Variants in MLXIP observed in about 807,000 individuals in gnomAD.
The protein encoded by MLXIP is MLX interacting protein, also known as MLX-interacting protein.
In MLXIP, 30 loss-of-function variants were observed where a neutral mutation model predicts 87.2. The observed-to-expected ratio is 0.34, with a 90% CI of 0.26 to 0.47. MLXIP has a LOEUF of 0.47. Ranked by LOEUF, MLXIP falls within the 20% of genes least tolerant of loss-of-function variation. The probability of loss-of-function intolerance (pLI) is 1.00; values close to 1 mark genes in which losing one functional copy is unlikely to be tolerated. For synonymous variants in MLXIP, 530 were observed against 514.0 expected (o/e 1.03, Z -0.42); for missense variants, 1,002 against 1,240.1 (o/e 0.81, Z 2.88).
At chr12:122,086,524 T>C (rs188007200) in intron 1 of MLXIP, among the ~76,000 whole-genome samples, 4 of 152,212 alleles carry the variant, frequency 2.6e-5, no homozygotes, top group Admixed American at 2.0e-4. Context: ...TGATGGCTGA[T>C]GAGAGCCTGA....
At chr12:122,087,723 G>A (rs981061599) in intron 1 of MLXIP, among the ~76,000 whole-genome samples, 3 of 152,150 alleles carry the variant, frequency 2.0e-5, no homozygotes, top group African/African-American at 7.2e-5. Context: ...TCCACAGGGC[G>A]GCTGGGGCCA....
rs188505792 is a variant in MLXIP at position 122,111,798 on chromosome 12, A to G, written c.414-15458A>G. On this transcript the variant is annotated intron_variant, in intron 1 of 16. Coordinates refer to ENST00000319080, the MANE Select transcript of MLXIP (RefSeq NM_014938.6). ...TTCATGAAGCAAATTATAGCAAACCAGATAGCTTTGGATTTCTCTTTTTAA... is the reference window on the plus strand; with the variant it reads ...TTCATGAAGCAAATTATAGCAAACCGGATAGCTTTGGATTTCTCTTTTTAA... 3.3e-5 allele frequency among the ~76,000 whole-genome samples: 5 copies of G among 152,370 alleles called. No homozygotes were observed. The East Asian group carries it at 9.6e-4, about 29-fold the overall frequency.
chr12:122,139,282 G>A (rs932169151), intron 15 of MLXIP, among the ~76,000 whole-genome samples: 4 of 152,278 alleles, frequency 2.6e-5, no homozygotes, highest in African/African-American at 4.8e-5. Flanking sequence ...CAGCCAGCTC[G>A]GTCCTCGAAG....
intron 1 of MLXIP, among the ~76,000 whole-genome samples, chr12:122,111,391 G>A (rs1952604520): frequency 6.6e-6 from 1 of 152,172 alleles, no homozygotes; most frequent in Admixed American, 6.6e-5. Context: ...CTTTAAGCCA[G>A]GTGTCTGCAA....
intron 1 of MLXIP, among the ~76,000 whole-genome samples, chr12:122,098,453 T>C (rs761066323): frequency 2.6e-5 from 4 of 152,192 alleles, no homozygotes. Context: ...TGTTCTTTGT[T>C]GGCTGGGATC....
chr12:122,135,119 TG>T lies in MLXIP; in HGVS notation c.1733-101del. The T allele has an allele frequency of 7.0e-7, 1 of 1,433,074 alleles. No individual in the cohort carries two copies. Among genetic ancestry groups the T allele is most frequent in the Non-Finnish European group, 9.6e-7 (1 of 1,041,148 alleles). The allele number at this position is 1,433,074 out of a possible 1,614,324, so 88.8% of individuals were successfully genotyped here. ...TTGGTGGCTTTGTCTTCCTGTCCCCTGGGGTTGAGAACAAGCTGTCTCACTG... is the reference window on the plus strand; with the variant it reads ...TTGGTGGCTTTGTCTTCCTGTCCCCTGGGTTGAGAACAAGCTGTCTCACTG... On this transcript the variant is annotated intron_variant, in intron 9 of 16. Coordinates refer to ENST00000319080, the MANE Select transcript of MLXIP (RefSeq NM_014938.6). This position sits in a 1 kb window ranked among gnomAD's most constrained non-coding sequence, Gnocchi z 5.3.
chr12:122,084,874 A>C lies in MLXIP; in HGVS notation c.413+5608A>C, dbSNP rs977456824. Among the ~76,000 whole-genome samples, 4 of 152,184 alleles carry C rather than the reference A, an allele frequency of 2.6e-5. No homozygotes were observed. In the East Asian group the frequency reaches 7.7e-4, roughly 29 times the overall value. ...CTTAACGTGATCTTAAGCAACTCAC[A>C]CAACAACCCTGTCAGGTAGGTGGTG... On this transcript the variant is annotated intron_variant, in intron 1 of 16. Transcript: ENST00000319080.
intron 1 of MLXIP, among the ~76,000 whole-genome samples, chr12:122,105,819 C>G (rs1375400870): frequency 1.3e-5 from 2 of 151,964 alleles, no homozygotes; most frequent in Non-Finnish European, 2.9e-5. Context: ...CCCTTTCCCC[C>G]CCTTCTTTTC....
intron 1 of MLXIP, among the ~76,000 whole-genome samples, chr12:122,111,606 A>G (rs1952607192): frequency 6.6e-6 from 1 of 152,220 alleles, no homozygotes; most frequent in African/African-American, 2.4e-5. Flanking sequence ...GGCAGCTGCC[A>G]TATCAGCTAG....
intron 1 of MLXIP, among the ~76,000 whole-genome samples, chr12:122,094,497 T>C (rs1952314272): frequency 1.1e-5 from 1 of 93,908 alleles, no homozygotes. Flanking sequence ...GTTTGCAATG[T>C]CTGTGTGTGT....
intron 1 of MLXIP, among the ~76,000 whole-genome samples, chr12:122,103,412 A>G (rs1409109254): frequency 6.6e-6 from 1 of 151,642 alleles, no homozygotes; most frequent in Non-Finnish European, 1.5e-5. Context: ...TTTAGTAGAC[A>G]CGGGATTTAC....
chr12:122,128,850 T>C, intron 3 of MLXIP: 1 of 357,696 alleles, frequency 2.8e-6, no homozygotes, highest in Non-Finnish European at 5.1e-6. Flanking sequence ...CTTCTTCCTC[T>C]GTGGAGCATT....
At chr12:122,128,282 C>T (rs1308647533) in intron 3 of MLXIP, 1 of 233,964 alleles carries the variant, frequency 4.3e-6, no homozygotes, top group Non-Finnish European at 8.4e-6. Flanking sequence ...ATAGAAGTGT[C>T]TTTATTAAGA....
At chr12:122,114,020 T>C (rs1482435737) in intron 1 of MLXIP, among the ~76,000 whole-genome samples, 2 of 131,528 alleles carry the variant, frequency 1.5e-5, no homozygotes, top group Non-Finnish European at 3.2e-5. Flanking sequence ...CATTTCACTC[T>C]TGTTGCCCAG....
At chr12:122,098,436 AGTTCTTT>A (rs772594439) in intron 1 of MLXIP, among the ~76,000 whole-genome samples, 33 of 152,228 alleles carry the variant, frequency 2.2e-4, no homozygotes, top group Non-Finnish European at 3.7e-4. Context: ...GCGCTCTTTC[AGTTCTTT>A]GTTCTTTGTT....
Position 122,141,984 on chromosome 12 carries a change from C to G in MLXIP, c.*172C>G. 1.0e-6 allele frequency: 1 copy of G among 998,126 alleles called. No individual in the cohort carries two copies. The highest frequency in any genetic ancestry group is 1.5e-6 in the Non-Finnish European group (1 of 688,272). 61.8% of individuals were successfully genotyped at this position (998,126 alleles called of 1,614,324 possible). On this transcript the variant is annotated 3_prime_UTR_variant, in exon 17 of 17. Coordinates refer to ENST00000319080, the MANE Select transcript of MLXIP (RefSeq NM_014938.6). ...GCTCAGGTCTGAAGCAGGTTTGGGG[C>G]CTGCTGACAGCAATAGCCCGCCTTT...
intron 1 of MLXIP, among the ~76,000 whole-genome samples, chr12:122,118,165 A>G (rs1170078077): frequency 2.0e-5 from 3 of 152,190 alleles, no homozygotes; most frequent in Non-Finnish European, 4.4e-5. Flanking sequence ...TACAGTGTGG[A>G]TCTGCTGGAC....
Position 122,135,339 on chromosome 12 carries a change from C to A in MLXIP, c.1848C>A (p.Ile616=). Residue 616 remains isoleucine (I), a synonymous_variant, in exon 10 of 17, where the codon ATC becomes ATA. Coordinates refer to ENST00000319080, the MANE Select transcript of MLXIP (RefSeq NM_014938.6). This position sits in a 1 kb window ranked among gnomAD's most constrained non-coding sequence, Gnocchi z 5.3. The part of the protein sequence containing the change: ...QSNVVIAPAA[I]ARAPGVPEFH... ...ACGTGGTCATTGCGCCTGCTGCCATCGCCAGGGTGAGGAGGGCCCTAGGCA... is the reference window on the plus strand; with the variant it reads ...ACGTGGTCATTGCGCCTGCTGCCATAGCCAGGGTGAGGAGGGCCCTAGGCA... The A allele has an allele frequency of 6.2e-7, 1 of 1,612,908 alleles. No homozygotes were observed. The highest frequency in any genetic ancestry group is 8.5e-7 in the Non-Finnish European group (1 of 1,179,454).
At chr12:122,120,929 T>G (rs1173348493) in intron 1 of MLXIP, among the ~76,000 whole-genome samples, 1 of 151,094 alleles carries the variant, frequency 6.6e-6, no homozygotes, top group African/African-American at 2.4e-5. Context: ...GACAAACAAA[T>G]ATGGTTGAAT....
Sources: gnomAD v4.1 joint callset for allele counts (sites outside exome capture counted in the v4.1 genomes callset) on GRCh38, gnomAD v4.1.1 for gene constraint, Gnocchi (gnomAD v3.1) non-coding constraint, MANE v1.5 for transcripts, NCBI Gene and HGNC (gene_info 2026-07-23, HGNC 2026-07-21) for gene names.